SASH1: variants seen among roughly 807,000 people sequenced by gnomAD.
SASH1 encodes the protein SAM and SH3 domain containing 1, also known as SAM and SH3 domain-containing protein 1.
A neutral mutation model predicts 125.2 loss-of-function variants in SASH1; 44 were observed. The ratio of observed to expected loss-of-function variants is 0.35; its 90% CI spans 0.28 to 0.45. The LOEUF (loss-of-function observed/expected upper bound fraction) is 0.45, where lower values mean the gene tolerates loss of function less well. SASH1 is among the 20% of genes least tolerant of loss of function. SASH1 has a pLI of 1.00. For synonymous variants in SASH1, 639 were observed against 649.1 expected (o/e 0.98, Z 0.24); for missense variants, 1,426 against 1,614.5 (o/e 0.88, Z 2.00).
At position 148,544,796 on chromosome 6, in the gene SASH1, C is replaced by G; in HGVS notation, c.3326C>G (p.Thr1109Arg). ...NKLHAEGIDL[T>R]EEPYSDKHGR... ...CTGCACGCTGAAGGCATCGATCTCA[C>G]GGAGGAGCCGTATTCTGATAAGGTA... The change falls in exon 18 of 20, where the codon ACG (threonine) becomes AGG (arginine). Residue 1109 changes from threonine to arginine, a missense_variant. By Grantham distance (71) the Thr-to-Arg change is moderately conservative. Coordinates refer to ENST00000367467, the MANE Select transcript of SASH1 (RefSeq NM_015278.5). The surrounding 1 kb of genome is among the most constrained non-coding windows in gnomAD (Gnocchi z 6.4). 6.3e-7 allele frequency: 1 copy of G among 1,594,004 alleles called. No homozygotes were observed. Among genetic ancestry groups the G allele is most frequent in the South Asian group, 1.1e-5 (1 of 88,064 alleles).
At chr6:148,204,793 A>G in the SASH1 span, among the ~76,000 whole-genome samples, 3 of 152,190 alleles carry the variant, frequency 2.0e-5, no homozygotes, top group African/African-American at 7.2e-5. Context: ...TCCTAACCGA[A>G]TGCCCCAAAA....
At chr6:148,252,610 C>G in the SASH1 span, among the ~76,000 whole-genome samples, 1 of 152,064 alleles carries the variant, frequency 6.6e-6, no homozygotes, top group African/African-American at 2.4e-5. Flanking sequence ...TCCCAAGTAG[C>G]TGGGATTATA....
At chr6:148,198,495 T>C in the SASH1 span, among the ~76,000 whole-genome samples, 2 of 152,232 alleles carry the variant, frequency 1.3e-5, no homozygotes, top group African/African-American at 2.4e-5. Context: ...TTAACTTTTC[T>C]AGGCATGTAC....
At chr6:148,330,755 T>C (rs1189877689) in intron 1 of SASH1, among the ~76,000 whole-genome samples, 1 of 152,108 alleles carries the variant, frequency 6.6e-6, no homozygotes, top group African/African-American at 2.4e-5. Context: ...CCGGCTAATT[T>C]TTTTATTTTT....
intron 1 of SASH1, among the ~76,000 whole-genome samples, chr6:148,303,124 G>A (rs1780018344): frequency 6.6e-6 from 1 of 151,848 alleles, no homozygotes; most frequent in Non-Finnish European, 1.5e-5. Context: ...GGGATTACAG[G>A]CACACACCAC....
chr6:148,414,546 G>T (rs1306625672), intron 2 of SASH1, among the ~76,000 whole-genome samples: 1 of 152,152 alleles, frequency 6.6e-6, no homozygotes, highest in Non-Finnish European at 1.5e-5. Flanking sequence ...ATATTAAAAA[G>T]TTTATCCAAC....
At chr6:148,230,021 A>T in the SASH1 span, among the ~76,000 whole-genome samples, 1 of 152,042 alleles carries the variant, frequency 6.6e-6, no homozygotes, top group Non-Finnish European at 1.5e-5. Flanking sequence ...CAGCACTTTT[A>T]TCATCTATAA....
At chr6:148,258,738 C>T in the SASH1 span, among the ~76,000 whole-genome samples, 1 of 152,230 alleles carries the variant, frequency 6.6e-6, no homozygotes, top group African/African-American at 2.4e-5. Context: ...ATAGTTTTCA[C>T]TGCCTACTGA....
chr6:148,421,771 A>G lies in SASH1; in HGVS notation c.286-18413A>G, dbSNP rs149978969. ...TCCCAGTATTTAGGGAGAAAAAGTT[A>G]CCAGTTTGGAAAGTAATCTTATTGT... On this transcript the variant is annotated intron_variant, in intron 2 of 19. Coordinates refer to ENST00000367467, the MANE Select transcript of SASH1 (RefSeq NM_015278.5). Among the ~76,000 whole-genome samples, 562 of 152,340 alleles carry G rather than the reference A, an allele frequency of 3.7e-3. 2 individuals are homozygous for G. Among genetic ancestry groups the G allele is most frequent in the African/African-American group, 0.013 (538 of 41,576 alleles).
intron 2 of SASH1, among the ~76,000 whole-genome samples, chr6:148,401,325 A>ATT (rs1562382190): frequency 7.2e-5 from 11 of 152,186 alleles, no homozygotes; most frequent in Non-Finnish European, 1.3e-4. Flanking sequence ...ATCAGGAAGG[A>ATT]CACACACTAG....
intron 1 of SASH1, among the ~76,000 whole-genome samples, chr6:148,298,659 GAGGGAGGGAGGA>G (rs1484186039): frequency 3.3e-5 from 3 of 91,048 alleles, no homozygotes; most frequent in East Asian, 3.3e-4. Context: ...GGGAGGGAGG[GAGGGAGGGAGGA>G]AGGAAGGAAG....
the SASH1 span, among the ~76,000 whole-genome samples, chr6:148,210,569 G>A: frequency 1.3e-5 from 2 of 152,158 alleles, no homozygotes; most frequent in Non-Finnish European, 2.9e-5. Context: ...TATCATTGCT[G>A]TCTATATTAA....
At chr6:148,426,560 A>G (rs1775832906) in intron 2 of SASH1, among the ~76,000 whole-genome samples, 1 of 152,144 alleles carries the variant, frequency 6.6e-6, no homozygotes, top group Non-Finnish European at 1.5e-5. Flanking sequence ...CTGGTGCCCG[A>G]ACAGAAGGAG....
At chr6:148,526,742 G>A (rs1292883550) in intron 11 of SASH1, among the ~76,000 whole-genome samples, 2 of 152,038 alleles carry the variant, frequency 1.3e-5, no homozygotes, top group African/African-American at 4.8e-5. Context: ...CCAATCAGAT[G>A]TTGCTCTTCT....
the SASH1 span, among the ~76,000 whole-genome samples, chr6:148,218,790 C>T: frequency 1.3e-5 from 2 of 152,200 alleles, no homozygotes; most frequent in Non-Finnish European, 2.9e-5. Context: ...CTTGTGAACC[C>T]TTCTGCTTCT....
At chr6:148,319,804 G>A (rs1395128641) in intron 1 of SASH1, among the ~76,000 whole-genome samples, 3 of 152,176 alleles carry the variant, frequency 2.0e-5, no homozygotes, top group Admixed American at 6.5e-5. Flanking sequence ...ATGAGCCACC[G>A]CACCCGGCCC....
At chr6:148,499,792 T>TTC (rs899976113) in intron 8 of SASH1, among the ~76,000 whole-genome samples, 2 of 152,186 alleles carry the variant, frequency 1.3e-5, no homozygotes, top group African/African-American at 2.4e-5. Context: ...TATGAAGCAT[T>TTC]TCTCTCTCTC....
chr6:148,442,218 C>T (rs1776574112), intron 4 of SASH1, among the ~76,000 whole-genome samples: 1 of 151,990 alleles, frequency 6.6e-6, no homozygotes, highest in African/African-American at 2.4e-5. Context: ...AAGACCCTGT[C>T]TGATCCAGCA....
In SASH1 at chr6:148,544,995, C is replaced by T. The variant is rs558146594; in HGVS notation, c.3348+177C>T. 1.2e-4 allele frequency among the ~76,000 whole-genome samples: 18 copies of T among 152,262 alleles called. No homozygotes were observed. Among genetic ancestry groups the T allele is most frequent in the African/African-American group, 4.3e-4 (18 of 41,544 alleles). On this transcript the variant is annotated intron_variant, in intron 18 of 19. Coordinates refer to ENST00000367467, the MANE Select transcript of SASH1 (RefSeq NM_015278.5). The surrounding 1 kb of genome is among the most constrained non-coding windows in gnomAD (Gnocchi z 6.4). ...TGCATGTGTTCAGATATTGACACCACCCCATTTCATCTCTCCGTAGGTAAA... is the reference window on the plus strand; with the variant it reads ...TGCATGTGTTCAGATATTGACACCATCCCATTTCATCTCTCCGTAGGTAAA...
Sources: gnomAD v4.1 joint callset for allele counts (sites outside exome capture counted in the v4.1 genomes callset) on GRCh38, gnomAD v4.1.1 for gene constraint, Gnocchi (gnomAD v3.1) non-coding constraint, MANE v1.5 for transcripts, NCBI Gene and HGNC (gene_info 2026-07-23, HGNC 2026-07-21) for gene names.